NKAIN3: variants seen among roughly 807,000 people sequenced by gnomAD.
NKAIN3 encodes the protein sodium/potassium transporting ATPase interacting 3, also known as sodium/potassium-transporting ATPase subunit beta-1-interacting protein 3.
NKAIN3 carries 25 observed loss-of-function variants against 30.2 expected under a neutral mutation model. That is an observed-to-expected ratio of 0.83 (90% CI 0.60 to 1.16). The LOEUF (loss-of-function observed/expected upper bound fraction) is 1.16. NKAIN3 is among the 50% of genes most tolerant of loss of function. The pLI, the probability that NKAIN3 is intolerant of heterozygous loss-of-function variation, is 0.00. For missense variants in NKAIN3, 225 were observed against 254.1 expected (o/e 0.89, Z 0.78); for synonymous variants, 91 against 89.6 (o/e 1.02, Z -0.09).
intron 4 of NKAIN3, among the ~76,000 whole-genome samples, chr8:62,782,098 A>G (rs1480897027): frequency 6.6e-6 from 1 of 152,044 alleles, no homozygotes; most frequent in Non-Finnish European, 1.5e-5. Context: ...TTCTCATTAA[A>G]AAATGGAAAA....
chr8:62,682,797 A>G (rs1400007133), intron 3 of NKAIN3, among the ~76,000 whole-genome samples: 3 of 151,988 alleles, frequency 2.0e-5, no homozygotes, highest in Non-Finnish European at 4.4e-5. Flanking sequence ...CCTGGGAACC[A>G]CACCCCCATC....
chr8:62,435,427 G>T (rs1805139032), intron 1 of NKAIN3, among the ~76,000 whole-genome samples: 1 of 151,324 alleles, frequency 6.6e-6, no homozygotes. Flanking sequence ...GGACTGAATT[G>T]CTGGGCAATG....
intron 4 of NKAIN3, among the ~76,000 whole-genome samples, chr8:62,840,439 C>A (rs1030581414): frequency 4.5e-5 from 6 of 132,670 alleles, no homozygotes; most frequent in Non-Finnish European, 8.1e-5. Context: ...AAAAAAAAAA[C>A]AATCAGAGAG....
intron 1 of NKAIN3, among the ~76,000 whole-genome samples, chr8:62,511,115 A>G (rs533155166): frequency 1.1e-4 from 17 of 152,080 alleles, no homozygotes; most frequent in South Asian, 4.2e-4. Flanking sequence ...CACCCTCCCC[A>G]TGTAGCTCAG....
chr8:62,731,256 CA>C (rs1815454313), intron 3 of NKAIN3, among the ~76,000 whole-genome samples: 1 of 151,750 alleles, frequency 6.6e-6, no homozygotes, highest in Non-Finnish European at 1.5e-5. Flanking sequence ...CACACACACA[CA>C]CACACACACA....
chr8:62,406,893 A>C (rs1434742114), intron 1 of NKAIN3, among the ~76,000 whole-genome samples: 3 of 152,204 alleles, frequency 2.0e-5, no homozygotes, highest in Non-Finnish European at 4.4e-5. Flanking sequence ...AAAAATATTC[A>C]TTTAGAATAA....
At chr8:62,810,681 T>C (rs558913095) in intron 4 of NKAIN3, among the ~76,000 whole-genome samples, 2 of 148,234 alleles carry the variant, frequency 1.3e-5, no homozygotes, top group South Asian at 4.4e-4. Context: ...TTTTCCTGAC[T>C]TCTGTTAAAC....
At chr8:62,737,228 A>G (rs1303695269) in intron 3 of NKAIN3, among the ~76,000 whole-genome samples, 1 of 152,084 alleles carries the variant, frequency 6.6e-6, no homozygotes, top group Non-Finnish European at 1.5e-5. Context: ...GCTGTCTGCC[A>G]TTTTTTCCTG....
intron 6 of NKAIN3, among the ~76,000 whole-genome samples, chr8:62,958,485 T>A (rs1007611592): frequency 2.0e-5 from 3 of 151,524 alleles, no homozygotes; most frequent in African/African-American, 7.3e-5. Flanking sequence ...GCACCACCAA[T>A]GAAAGGAAAG....
intron 1 of NKAIN3, among the ~76,000 whole-genome samples, chr8:62,546,203 G>A (rs1051082118): frequency 5.9e-5 from 9 of 152,120 alleles, no homozygotes; most frequent in Non-Finnish European, 1.0e-4. Context: ...TTCCTTGTGT[G>A]CTCGTATCAG....
At chr8:62,949,373 A>C (rs1224177783) in intron 5 of NKAIN3, among the ~76,000 whole-genome samples, 3 of 152,204 alleles carry the variant, frequency 2.0e-5, no homozygotes, top group African/African-American at 7.2e-5. Flanking sequence ...TTACAAGTAG[A>C]ATACAAGTCT....
chr8:62,583,848 T>C (rs1810388939), intron 2 of NKAIN3, among the ~76,000 whole-genome samples: 1 of 152,248 alleles, frequency 6.6e-6, no homozygotes, highest in African/African-American at 2.4e-5. Context: ...ATTATCTATT[T>C]GATAAAAGTA....
chr8:62,957,355 C>G (rs1326490057), intron 6 of NKAIN3, among the ~76,000 whole-genome samples: 2 of 152,156 alleles, frequency 1.3e-5, no homozygotes, highest in African/African-American at 4.8e-5. Context: ...AGGTTGGTCT[C>G]GATCTCCTGA....
intron 4 of NKAIN3, among the ~76,000 whole-genome samples, chr8:62,875,381 G>T (rs1369727586): frequency 6.6e-6 from 1 of 152,006 alleles, no homozygotes; most frequent in South Asian, 2.1e-4. Context: ...AATCAATATC[G>T]TGAAAATGGC....
intron 3 of NKAIN3, among the ~76,000 whole-genome samples, chr8:62,609,327 G>A (rs1237382888): frequency 6.6e-6 from 1 of 152,152 alleles, no homozygotes; most frequent in African/African-American, 2.4e-5. Context: ...GAGAAATAAT[G>A]CTGTTATAAA....
intron 1 of NKAIN3, among the ~76,000 whole-genome samples, chr8:62,289,712 T>A (rs7002104): frequency 0.062 from 9,452 of 152,106 alleles, 974 homozygotes; most frequent in African/African-American, 0.21. Flanking sequence ...CTTAGGATTG[T>A]CTTGGCAATG....
At chr8:62,340,039 A>G (rs1815690757) in intron 1 of NKAIN3, among the ~76,000 whole-genome samples, 1 of 152,110 alleles carries the variant, frequency 6.6e-6, no homozygotes, top group Non-Finnish European at 1.5e-5. Context: ...TGACACTGAT[A>G]TGGGAAAAGA....
At chr8:62,888,065 T>C (rs551670782) in intron 4 of NKAIN3, among the ~76,000 whole-genome samples, 1 of 152,206 alleles carries the variant, frequency 6.6e-6, no homozygotes, top group Admixed American at 6.5e-5. Flanking sequence ...TGCGATTAAG[T>C]CTCAGTTTTT....
In NKAIN3 at chr8:62,977,431, A is replaced by G. The variant is rs1823967674; in HGVS notation, c.*12024A>G. ...TCTTCTAATCTTGTCTTCATGCTTT[A>G]TTTCCTTAAGTTGATCTTCAGTCTC... On this transcript the variant is annotated 3_prime_UTR_variant, in exon 7 of 7. Coordinates refer to ENST00000623646, the MANE Select transcript of NKAIN3 (RefSeq NM_001304533.3). 6.6e-6 allele frequency among the ~76,000 whole-genome samples: 1 copy of G among 151,142 alleles called. No homozygotes were observed. Among genetic ancestry groups the G allele is most frequent in the East Asian group, 2.0e-4 (1 of 5,110 alleles).
Sources: gnomAD v4.1 joint callset for allele counts (sites outside exome capture counted in the v4.1 genomes callset) on GRCh38, gnomAD v4.1.1 for gene constraint, MANE v1.5 for transcripts, NCBI Gene and HGNC (gene_info 2026-07-23, HGNC 2026-07-21) for gene names.